Variants in ADCY1 observed in about 807,000 individuals in gnomAD.
ADCY1 encodes adenylate cyclase 1, also known as adenylate cyclase type 1.
In ADCY1, 28 loss-of-function variants were observed where a neutral mutation model predicts 105.4. That is an observed-to-expected ratio of 0.27 (90% CI 0.20 to 0.36). The LOEUF is 0.36. Among genes scored for constraint, ADCY1 ranks in the 10% least tolerant of loss-of-function variants. ADCY1 has a pLI of 1.00. For synonymous variants in ADCY1, 655 were observed against 623.8 expected (o/e 1.05, Z -0.75); for missense variants, 977 against 1,434.2 (o/e 0.68, Z 5.15).
chr7:45,704,482 TATGTC>T, intron 16 of ADCY1, 31 bp from the exon 17 acceptor site: 1 of 1,594,760 alleles, frequency 6.3e-7, no homozygotes, highest in Non-Finnish European at 8.6e-7. Flanking sequence ...TCTCAAATGT[TATGTC>T]ATGTTTAACA....
At chr7:45,638,849 A>G (rs906864550) in intron 4 of ADCY1, among the ~76,000 whole-genome samples, 1 of 152,202 alleles carries the variant, frequency 6.6e-6, no homozygotes, top group African/African-American at 2.4e-5. Flanking sequence ...CCAGATGTCC[A>G]TGCATACTGA....
At chr7:45,650,410 C>T (rs1007571287) in intron 5 of ADCY1, among the ~76,000 whole-genome samples, 1 of 152,092 alleles carries the variant, frequency 6.6e-6, no homozygotes, top group Non-Finnish European at 1.5e-5. Context: ...TTTGTGTGAT[C>T]TCCTTGGGGG....
rs757181274 is a variant in ADCY1 at position 45,686,699 on chromosome 7, G to C, written c.2454+26G>C. 6.3e-7 allele frequency: 1 copy of C among 1,578,450 alleles called. No individual in the cohort carries two copies. Among genetic ancestry groups the C allele is most frequent in the Non-Finnish European group, 8.6e-7 (1 of 1,158,578 alleles). Reference sequence around the variant, plus strand: ...GCAAGACGAGCCCTTTCTGCTTTCTGGGGGTGGGGGATTTAGAGGAGGAAG... The same window carrying C: ...GCAAGACGAGCCCTTTCTGCTTTCTCGGGGTGGGGGATTTAGAGGAGGAAG... On this transcript the variant is annotated intron_variant, in intron 14 of 19. Transcript: ENST00000297323. The surrounding 1 kb of genome is among the most constrained non-coding windows in gnomAD (Gnocchi z 4.3).
intron 10 of ADCY1, 117 bp downstream of exon 10, chr7:45,678,380 C>G (rs1690846956): frequency 9.3e-6 from 9 of 964,658 alleles, no homozygotes; most frequent in South Asian, 1.4e-5. Context: ...AGCTTCGTCT[C>G]CCACAGTTAT....
intron 4 of ADCY1, among the ~76,000 whole-genome samples, chr7:45,628,654 C>G (rs907203440): frequency 1.1e-4 from 16 of 152,178 alleles, no homozygotes; most frequent in African/African-American, 3.9e-4. Flanking sequence ...GTGTGGATGA[C>G]TTTTTGAATA....
intron 1 of ADCY1, among the ~76,000 whole-genome samples, chr7:45,583,971 A>G (rs1423093938): frequency 3.5e-5 from 4 of 115,462 alleles, no homozygotes; most frequent in African/African-American, 1.0e-4. Flanking sequence ...TTTTTCAGAC[A>G]AAGTCTCTTT....
chr7:45,655,853 A>G (rs1794925944), intron 5 of ADCY1, among the ~76,000 whole-genome samples: 2 of 151,976 alleles, frequency 1.3e-5, no homozygotes, highest in Admixed American at 6.5e-5. Flanking sequence ...GTGCACAAAA[A>G]CGTTATTAGT....
At chr7:45,576,694 T>A (rs568216723) in intron 1 of ADCY1, among the ~76,000 whole-genome samples, 1 of 152,110 alleles carries the variant, frequency 6.6e-6, no homozygotes, top group Admixed American at 6.5e-5. Context: ...TCCTACTGCC[T>A]CCACCCCCCA....
rs1233465496 is a variant in ADCY1, at chr7:45,703,253, AG to A, written c.2455-122del. ...GCATCTAGTGGGGAGGAGGGACAGGAGCGTGGATGTAGACCATCAGCACACC... is the reference window on the plus strand; with the variant it reads ...GCATCTAGTGGGGAGGAGGGACAGGACGTGGATGTAGACCATCAGCACACC... On this transcript the variant is annotated intron_variant, in intron 14 of 19. Transcript: ENST00000297323. The surrounding 1 kb of genome is among the most constrained non-coding windows in gnomAD (Gnocchi z 5.9). 1 of 845,076 alleles carries A rather than the reference AG, an allele frequency of 1.2e-6. No homozygotes were observed. Among genetic ancestry groups the A allele is most frequent in the Non-Finnish European group, 2.0e-6 (1 of 495,622 alleles). 52.3% of individuals were successfully genotyped at this position (845,076 alleles called of 1,614,324 possible).
At chr7:45,583,596 T>C (rs539959171) in intron 1 of ADCY1, among the ~76,000 whole-genome samples, 3 of 152,238 alleles carry the variant, frequency 2.0e-5, no homozygotes, top group Non-Finnish European at 4.4e-5. Context: ...TGCATGGTGC[T>C]TGGCTGGCCT....
chr7:45,624,139 A>T (rs2115934850), intron 4 of ADCY1, among the ~76,000 whole-genome samples: 1 of 152,228 alleles, frequency 6.6e-6, no homozygotes, highest in South Asian at 2.1e-4. Context: ...GGGCACCCTG[A>T]TTGGGGGCTG....
At chr7:45,640,146 G>A (rs1794497340) in intron 4 of ADCY1, among the ~76,000 whole-genome samples, 1 of 152,164 alleles carries the variant, frequency 6.6e-6, no homozygotes, top group Admixed American at 6.5e-5. Context: ...TGGCTTTATG[G>A]TGCAGTTGTT....
In ADCY1 at chr7:45,716,615, C is replaced by G. The variant is rs1785363034; in HGVS notation, c.*2620C>G. ...CCCTGGCACAGCCAACCCTGTTGCC[C>G]CCAGTGCCGCTGCCCAGCTTCGGCC... On this transcript the variant is annotated 3_prime_UTR_variant, in exon 20 of 20. Coordinates refer to ENST00000297323, the MANE Select transcript of ADCY1 (RefSeq NM_021116.4). 2 of 153,284 alleles carry G rather than the reference C, an allele frequency of 1.3e-5. No homozygotes were observed. 9.5% of individuals were successfully genotyped at this position (153,284 alleles called of 1,614,324 possible). A position where few individuals can be genotyped will look rare whatever the true frequency, so the allele number is the denominator to read the frequency against.
Position 45,591,515 on chromosome 7 carries a change from A to G in ADCY1, c.640-1244A>G, listed in dbSNP as rs1019363491. Among the ~76,000 whole-genome samples the G allele has an allele frequency of 7.9e-5, 12 of 152,232 alleles. No homozygotes were observed. The highest frequency in any genetic ancestry group is 2.7e-4 in the African/African-American group (11 of 41,456). On this transcript the variant is annotated intron_variant, in intron 1 of 19. Transcript: ENST00000297323. This position sits in a 1 kb window ranked among gnomAD's most constrained non-coding sequence, Gnocchi z 4.1. ...TGTGGTTAATCTGTGTGGAGCAGTG[A>G]CAGCCGGAGCCTGCAGGTTTCTGCT...
In ADCY1 at chr7:45,591,360, C is replaced by T. The variant is rs1235876177; in HGVS notation, c.640-1399C>T. On this transcript the variant is annotated intron_variant, in intron 1 of 19. Transcript: ENST00000297323. This position sits in a 1 kb window ranked among gnomAD's most constrained non-coding sequence, Gnocchi z 4.1. Reference sequence around the variant, plus strand: ...AGGGTGACACCCATCTGTCCCGTCTCATGGGTCTACCTCCTGGACTCGCTT... The same window carrying T: ...AGGGTGACACCCATCTGTCCCGTCTTATGGGTCTACCTCCTGGACTCGCTT... Among the ~76,000 whole-genome samples, 1 of 152,228 alleles carries T rather than the reference C, an allele frequency of 6.6e-6. No individual in the cohort carries two copies. Among genetic ancestry groups the T allele is most frequent in the Admixed American group, 6.5e-5 (1 of 15,292 alleles).
Position 45,592,894 on chromosome 7 carries a change from G to T in ADCY1, c.775G>T (p.Glu259Ter), listed in dbSNP as rs768837270. Reference sequence around the variant, plus strand: ...TGAGGACCGACTGAGGCTGGAGGATGAGAACGAGAAGCAGGTCAGTGGCTT... The same window carrying T: ...TGAGGACCGACTGAGGCTGGAGGATTAGAACGAGAAGCAGGTCAGTGGCTT... ...CIEDRLRLED[E>*]NEKQERLLMS... Residue 259 changes from glutamate to a stop codon, truncating the protein, a stop_gained, in exon 2 of 20, where the codon GAG becomes TAG. Transcript: ENST00000297323. LOFTEE classifies it high-confidence loss of function. The T allele has an allele frequency of 6.2e-7, 1 of 1,614,218 alleles. No individual in the cohort carries two copies. The highest frequency in any genetic ancestry group is 8.5e-7 in the Non-Finnish European group (1 of 1,180,048).
chr7:45,634,610 C>T (rs1210245662), intron 4 of ADCY1, among the ~76,000 whole-genome samples: 1 of 151,972 alleles, frequency 6.6e-6, no homozygotes, highest in Non-Finnish European at 1.5e-5. Context: ...AAAGATGGTC[C>T]CCGACTTATG....
intron 4 of ADCY1, among the ~76,000 whole-genome samples, chr7:45,630,659 C>T (rs985634961): frequency 6.6e-6 from 1 of 152,152 alleles, no homozygotes; most frequent in Non-Finnish European, 1.5e-5. Context: ...CCCCCTCCCT[C>T]CCTCTCTCTT....
In ADCY1 at chr7:45,708,074, C is replaced by A. The variant is rs879410108; in HGVS notation, c.2818-276C>A. 9.8e-5 allele frequency among the ~76,000 whole-genome samples: 15 copies of A among 152,320 alleles called. No homozygotes were observed. Among genetic ancestry groups the A allele is most frequent in the Admixed American group, 9.8e-4 (15 of 15,300 alleles). ...AACGCTGTCCAAGCAGGAGTTTGAG[C>A]ACCTGGTCTCCCACTCAAAAGGGCT... On this transcript the variant is annotated intron_variant, in intron 17 of 19. Transcript: ENST00000297323. The surrounding 1 kb of genome is among the most constrained non-coding windows in gnomAD (Gnocchi z 4.7).
Sources: gnomAD v4.1 joint callset for allele counts (sites outside exome capture counted in the v4.1 genomes callset) on GRCh38, gnomAD v4.1.1 for gene constraint, Gnocchi (gnomAD v3.1) non-coding constraint, MANE v1.5 for transcripts, NCBI Gene and HGNC (gene_info 2026-07-23, HGNC 2026-07-21) for gene names.